The following UGT1A9 variants were observed in gnomAD, a reference collection of about 807,000 sequenced individuals.
The protein encoded by UGT1A9 is UDP glucuronosyltransferase family 1 member A9.
Under a neutral mutation model 45.0 loss-of-function variants are expected in UGT1A9, and 35 were observed. That is an observed-to-expected ratio of 0.78 (90% confidence interval 0.59 to 1.03). The LOEUF (loss-of-function observed/expected upper bound fraction) is 1.03. UGT1A9 is among the 50% of genes least tolerant of loss of function. UGT1A9 has a pLI of 0.00. For synonymous variants in UGT1A9, 278 were observed against 250.6 expected, an observed-to-expected ratio of 1.11 and a Z score of -1.03; for missense variants, 687 against 666.6, an observed-to-expected ratio of 1.03 and a Z score of -0.34.
chr2:233,700,650 A>G (rs1190842216), intron 1 of UGT1A9, among the ~76,000 whole-genome samples: 1 of 152,150 alleles, frequency 6.6e-6, no homozygotes, highest in Non-Finnish European at 1.5e-5. Flanking sequence ...AAGTGTTTAC[A>G]TATTTCTACT....
chr2:233,754,250 G>A (rs1695430755), intron 1 of UGT1A9: 1 of 169,840 alleles, frequency 5.9e-6, no homozygotes, highest in Non-Finnish European at 1.3e-5. Flanking sequence ...TTTCCCAACG[G>A]AAAAAGGTAA....
intron 1 of UGT1A9, chr2:233,761,211 C>G (rs35802766): frequency 6.2e-7 from 1 of 1,613,738 alleles, no homozygotes; most frequent in East Asian, 2.2e-5. Flanking sequence ...TACTTTGGAT[C>G]GATTAACTAG....
At chr2:233,715,775 A>G (rs2076469158) in intron 1 of UGT1A9, among the ~76,000 whole-genome samples, 1 of 152,186 alleles carries the variant, frequency 6.6e-6, no homozygotes, top group South Asian at 2.1e-4. Flanking sequence ...CCATCTCAAA[A>G]AAATAAAAAT....
In UGT1A9 at chr2:233,713,389, A is replaced by G. The variant is rs751275853; in HGVS notation, c.855+40600A>G. On this transcript the variant is annotated intron_variant, in intron 1 of 4. Transcript: ENST00000354728. ...CATAGGTCTTGTGTGGAGCTACTGC[A>G]TAATGAGGCCCTGATCAGGCACCTG... 3 of 1,614,218 alleles carry G rather than the reference A, an allele frequency of 1.9e-6. No individual in the cohort carries two copies. The East Asian group carries it at 6.7e-5, about 36-fold the overall frequency.
At chr2:233,699,418 A>G (rs1463010135) in intron 1 of UGT1A9, among the ~76,000 whole-genome samples, 5 of 152,178 alleles carry the variant, frequency 3.3e-5, no homozygotes, top group African/African-American at 1.2e-4. Context: ...TTTGCATTTC[A>G]TTATTAGAAG....
intron 1 of UGT1A9, among the ~76,000 whole-genome samples, chr2:233,707,431 T>G (rs1252673203): frequency 1.3e-5 from 2 of 152,174 alleles, no homozygotes; most frequent in Non-Finnish European, 2.9e-5. Flanking sequence ...TTCTTTGCTT[T>G]TCTTTACAAT....
At chr2:233,729,310 A>G (rs771983234) in intron 1 of UGT1A9, 1 of 1,614,266 alleles carries the variant, frequency 6.2e-7, no homozygotes, top group Non-Finnish European at 8.5e-7. Flanking sequence ...AGTGGTCCTC[A>G]CCCCAGAGGT....
intron 1 of UGT1A9, among the ~76,000 whole-genome samples, chr2:233,764,077 A>T (rs1698472611): frequency 6.6e-6 from 1 of 152,230 alleles, no homozygotes; most frequent in Non-Finnish European, 1.5e-5. Flanking sequence ...GGGAAAATCT[A>T]ATTAAAAGCC....
chr2:233,691,482 G>A, intron 1 of UGT1A9: 1 of 985,742 alleles, frequency 1.0e-6, no homozygotes, highest in Non-Finnish European at 1.2e-6. Context: ...TGCCAAACTT[G>A]TGGGTGGGAA....
Position 233,693,543 on chromosome 2 carries a change from A to G in UGT1A9, c.855+20754A>G, listed in dbSNP as rs1029144011. 1.9e-6 allele frequency: 3 copies of G among 1,614,186 alleles called. No individual in the cohort carries two copies. The African/African-American group carries it at 4.0e-5, about 22-fold the overall frequency. On this transcript the variant is annotated intron_variant, in intron 1 of 4. Transcript: ENST00000354728. ...AGGGGTTTTCCGTGTTCCCTGGAGC[A>G]TACATTCAGCAGAAGCCCAGACCCT...
chr2:233,729,730 T>G (rs1164529541), intron 1 of UGT1A9: 2 of 1,613,840 alleles, frequency 1.2e-6, no homozygotes, highest in Non-Finnish European at 1.7e-6. Flanking sequence ...AACAACCAAT[T>G]CAGACCACAT....
intron 1 of UGT1A9, among the ~76,000 whole-genome samples, chr2:233,680,179 G>A (rs559961507): frequency 6.6e-6 from 1 of 152,104 alleles, no homozygotes; most frequent in African/African-American, 2.4e-5. Context: ...TTGCTTCTTG[G>A]GAGTACTTGC....
At chr2:233,719,662 G>C (rs769254543) in intron 1 of UGT1A9, 50 of 1,613,974 alleles carry the variant, frequency 3.1e-5, no homozygotes, top group Non-Finnish European at 4.0e-5. Context: ...GGCATCAACT[G>C]TGCCAACGGG....
At chr2:233,760,330 C>G (rs2125982719) in intron 1 of UGT1A9, 1 of 1,614,052 alleles carries the variant, frequency 6.2e-7, no homozygotes. Flanking sequence ...TGTCCTGGGC[C>G]TGCTGCTGTG....
intron 1 of UGT1A9, among the ~76,000 whole-genome samples, chr2:233,707,570 G>A (rs1253760996): frequency 6.9e-6 from 1 of 143,972 alleles, no homozygotes; most frequent in Admixed American, 7.0e-5. Context: ...CCTTATGTTT[G>A]AGAGATTCAT....
intron 1 of UGT1A9, among the ~76,000 whole-genome samples, chr2:233,728,922 C>T (rs1370421534): frequency 6.9e-6 from 1 of 145,892 alleles, no homozygotes; most frequent in Non-Finnish European, 1.5e-5. Context: ...TCAAGATAGT[C>T]ATGATCGGTC....
At chr2:233,675,955 G>A (rs530815102) in intron 1 of UGT1A9, among the ~76,000 whole-genome samples, 1 of 151,956 alleles carries the variant, frequency 6.6e-6, no homozygotes, top group South Asian at 2.1e-4. Flanking sequence ...AAATTTCCCC[G>A]GATTGTCTCA....
chr2:233,699,892 C>T (rs566030513), intron 1 of UGT1A9, among the ~76,000 whole-genome samples: 3 of 152,224 alleles, frequency 2.0e-5, no homozygotes, highest in South Asian at 2.1e-4. Flanking sequence ...ATTGGAGAGG[C>T]GAAATAGTCA....
At chr2:233,693,701 G>A (rs984756708) in intron 1 of UGT1A9, 3 of 1,614,192 alleles carry the variant, frequency 1.9e-6, no homozygotes, top group South Asian at 1.1e-5. Flanking sequence ...TGAAGAACTC[G>A]CATCAGCTGT....
Sources: gnomAD v4.1 joint callset for allele counts (sites outside exome capture counted in the v4.1 genomes callset) on GRCh38, gnomAD v4.1.1 for gene constraint, MANE v1.5 for transcripts, NCBI Gene and HGNC (gene_info 2026-07-23, HGNC 2026-07-21) for gene names.